Variants in ZNF484 observed in about 807,000 individuals in gnomAD.
ZNF484 encodes zinc finger protein 484.
A neutral mutation model predicts 12.9 loss-of-function variants in ZNF484; 11 were observed. The observed-to-expected ratio is 0.85, with a 90% CI of 0.54 to 1.41. The LOEUF (loss-of-function observed/expected upper bound fraction) is 1.41, where lower values mean the gene tolerates loss of function less well. ZNF484 is among the 40% of genes most tolerant of loss of function. The probability of loss-of-function intolerance (pLI) is 0.00; values close to 1 mark genes in which losing one functional copy is unlikely to be tolerated. For missense variants in ZNF484, 807 were observed against 1,007.7 expected (o/e 0.80, Z 2.70); for synonymous variants, 289 against 334.1 (o/e 0.86, Z 1.47).
intron 2 of ZNF484, among the ~76,000 whole-genome samples, chr9:92,866,997 G>C (rs937271060): frequency 6.6e-6 from 1 of 152,128 alleles, no homozygotes; most frequent in East Asian, 1.9e-4. Flanking sequence ...ATCAAGGGGT[G>C]GGGGGATAAG....
chr9:92,853,089 G>GCAATGTTTTAACATTGCTTAAAA (rs1247057944), intron 4 of ZNF484, among the ~76,000 whole-genome samples: 3 of 152,132 alleles, frequency 2.0e-5, no homozygotes, highest in Non-Finnish European at 4.4e-5. Context: ...GATAAACACA[G>GCAATGTTTTAACATTGCTTAAAA]CACACAATGT....
At chr9:92,852,926 A>C (rs1025050649) in intron 4 of ZNF484, among the ~76,000 whole-genome samples, 1 of 152,254 alleles carries the variant, frequency 6.6e-6, no homozygotes. Flanking sequence ...ATCTTAAAAT[A>C]GGATAGAAAT....
Position 92,856,174 on chromosome 9 carries a change from C to G in ZNF484, c.142+18G>C, listed in dbSNP as rs1856438069. 1 of 1,612,558 alleles carries G rather than the reference C, an allele frequency of 6.2e-7. No homozygotes were observed. Among genetic ancestry groups the G allele is most frequent in the African/African-American group, 1.3e-5 (1 of 74,766 alleles). On this transcript the variant is annotated intron_variant, in intron 3 of 4. Coordinates refer to ENST00000375495, the MANE Select transcript of ZNF484 (RefSeq NM_031486.4). ...AATTAGGTGCAGCCTACTCTATACC[C>G]AGCAGAGCCGTGCTTACCCACTGAG...
chr9:92,859,519 G>T (rs1008322660), intron 2 of ZNF484, among the ~76,000 whole-genome samples: 10 of 152,248 alleles, frequency 6.6e-5, no homozygotes, highest in Non-Finnish European at 1.0e-4. Context: ...GACAAAAAAG[G>T]CCTCCCCAAA....
At chr9:92,874,130 A>G (rs1857633419) in intron 2 of ZNF484, among the ~76,000 whole-genome samples, 1 of 152,220 alleles carries the variant, frequency 6.6e-6, no homozygotes, top group South Asian at 2.1e-4. Flanking sequence ...TTGTTTCAGA[A>G]GGTGGTCCTT....
chr9:92,847,439 T>C lies in ZNF484; in HGVS notation c.1348A>G (p.Ile450Val). 3.1e-6 allele frequency: 5 copies of C among 1,613,664 alleles called. No individual in the cohort carries two copies. The highest frequency in any genetic ancestry group is 3.4e-6 in the Non-Finnish European group (4 of 1,179,894). Residue 450 changes from isoleucine to valine, a missense_variant, in exon 5 of 5, where the codon ATT becomes GTT. Transcript: ENST00000375495. ...YECSDCGKSF[I>V]KKSQLHVHQR... The stretch of plus-strand genomic sequence containing the variant: ...TGCACATGGAGTTGTGATTTTTTAA[T>C]AAAGGATTTCCCACAGTCACTGCAT...
intron 4 of ZNF484, among the ~76,000 whole-genome samples, chr9:92,851,013 C>T (rs1405020011): frequency 3.3e-5 from 5 of 152,220 alleles, no homozygotes; most frequent in African/African-American, 1.2e-4. Context: ...GTTCATCAAA[C>T]CTGTGCCCTT....
chr9:92,874,608 G>T (rs564142545), intron 2 of ZNF484, among the ~76,000 whole-genome samples: 6 of 152,106 alleles, frequency 3.9e-5, no homozygotes, highest in Non-Finnish European at 7.4e-5. Flanking sequence ...CACCGCGCCT[G>T]GCCTGTTAGT....
intron 2 of ZNF484, among the ~76,000 whole-genome samples, chr9:92,863,440 A>G (rs1006836064): frequency 6.6e-6 from 1 of 152,202 alleles, no homozygotes; most frequent in Non-Finnish European, 1.5e-5. Context: ...ATAAAAAAAG[A>G]CTATCAAGAA....
chr9:92,849,036 C>T (rs991685011), intron 4 of ZNF484, among the ~76,000 whole-genome samples: 97 of 151,600 alleles, frequency 6.4e-4, no homozygotes, highest in South Asian at 1.0e-3. Flanking sequence ...CTGAGGCAGG[C>T]GGATCACCTG....
At chr9:92,868,470 T>C (rs1417742501) in intron 2 of ZNF484, among the ~76,000 whole-genome samples, 1 of 152,174 alleles carries the variant, frequency 6.6e-6, no homozygotes, top group Non-Finnish European at 1.5e-5. Context: ...GAATAATGAT[T>C]ATAGATAGCT....
rs376069190 is a variant in ZNF484 at position 92,849,513 on chromosome 9, T to C, written c.236-962A>G. On this transcript the variant is annotated intron_variant, in intron 4 of 4. Transcript: ENST00000375495. Reference sequence around the variant, plus strand: ...ACTTAAACTTTATCACGGCCCGGTGTGGTGGTTCATGCCTGTAATCCCAGC... The same window carrying C: ...ACTTAAACTTTATCACGGCCCGGTGCGGTGGTTCATGCCTGTAATCCCAGC... Among the ~76,000 whole-genome samples, 3 of 152,178 alleles carry C rather than the reference T, an allele frequency of 2.0e-5. No individual in the cohort carries two copies. In the East Asian group the frequency reaches 5.8e-4, roughly 29 times the overall value.
At chr9:92,876,097 G>C (rs1265674694) in intron 1 of ZNF484, among the ~76,000 whole-genome samples, 2 of 151,988 alleles carry the variant, frequency 1.3e-5, no homozygotes, top group African/African-American at 4.8e-5. Flanking sequence ...ATCTTGAATA[G>C]GAAAATATTG....
At position 92,867,072 on chromosome 9, in the gene ZNF484, G is replaced by A. The variant is rs533931293; in HGVS notation, c.15+7943C>T. Among the ~76,000 whole-genome samples, 13 of 152,272 alleles carry A rather than the reference G, an allele frequency of 8.5e-5. No homozygotes were observed. In the East Asian group the frequency reaches 1.4e-3, roughly 16 times the overall value. On this transcript the variant is annotated intron_variant, in intron 2 of 4. Coordinates refer to ENST00000375495, the MANE Select transcript of ZNF484 (RefSeq NM_031486.4). Reference sequence around the variant, plus strand: ...GCTTAAAACCTAGATGATGGGGGCCGGGCATGGTGGCTCACACCTGTAATC... The same window carrying A: ...GCTTAAAACCTAGATGATGGGGGCCAGGCATGGTGGCTCACACCTGTAATC...
intron 2 of ZNF484, among the ~76,000 whole-genome samples, chr9:92,872,123 C>T (rs1398284660): frequency 6.7e-6 from 1 of 149,998 alleles, no homozygotes; most frequent in Non-Finnish European, 1.5e-5. Context: ...ACCAGCTACT[C>T]GGAAAGGTGA....
chr9:92,856,300 C>A lies in ZNF484; in HGVS notation c.34G>T (p.Asp12Tyr). The A allele has an allele frequency of 6.3e-7, 1 of 1,597,154 alleles. No homozygotes were observed. The stretch of plus-strand genomic sequence containing the variant: ...TCCCTACTGAAGTCTACAGTTACGT[C>A]CTTGAATGACACTGATTCCTGTTAA... ...TKSLESVSFK[D>Y]VTVDFSRDEW... is the part of the protein sequence containing the mutation. The change falls in exon 3 of 5, where the codon GAC becomes TAC. Residue 12 changes from aspartate to tyrosine, a missense_variant. By Grantham distance (160) the Asp-to-Tyr change is radical. Coordinates refer to ENST00000375495, the MANE Select transcript of ZNF484 (RefSeq NM_031486.4).
intron 4 of ZNF484, among the ~76,000 whole-genome samples, chr9:92,852,086 T>C (rs1054626665): frequency 6.6e-6 from 1 of 152,242 alleles, no homozygotes; most frequent in African/African-American, 2.4e-5. Flanking sequence ...CTCCTCTGCT[T>C]ATAACACAAA....
intron 4 of ZNF484, among the ~76,000 whole-genome samples, chr9:92,853,568 A>G (rs1270780299): frequency 6.6e-6 from 1 of 152,220 alleles, no homozygotes; most frequent in African/African-American, 2.4e-5. Context: ...GCTGAGACAC[A>G]TAATCTAAGA....
At chr9:92,874,310 CTTTTTTT>C (rs34348573) in intron 2 of ZNF484, among the ~76,000 whole-genome samples, 1 of 137,548 alleles carries the variant, frequency 7.3e-6, no homozygotes, top group Admixed American at 7.3e-5. Context: ...TTCTTTCTTT[CTTTTTTT>C]TTTTTTTTTT....
Sources: allele counts gnomAD v4.1 joint callset (sites outside exome capture counted in the v4.1 genomes callset), GRCh38; gene constraint gnomAD v4.1.1; transcripts MANE v1.5; gene names NCBI Gene and HGNC (gene_info 2026-07-23, HGNC 2026-07-21).